HSD17B3: variants seen among roughly 807,000 people sequenced by gnomAD.
HSD17B3 encodes the protein hydroxysteroid 17-beta dehydrogenase 3.
HSD17B3 carries 29 observed loss-of-function variants against 41.1 expected under a neutral mutation model. That is an observed-to-expected ratio of 0.71 (90% CI 0.53 to 0.96). HSD17B3 has a LOEUF of 0.96. Ranked by LOEUF, HSD17B3 falls within the 40% of genes least tolerant of loss-of-function variation. The pLI is 0.00. For missense variants in HSD17B3, 323 were observed against 374.6 expected, an observed-to-expected ratio of 0.86 and a Z score of 1.14; for synonymous variants, 126 against 145.6, an observed-to-expected ratio of 0.87 and a Z score of 0.97.
In HSD17B3 at chr9:96,267,270, T is replaced by C. The variant is rs568219882; in HGVS notation, c.202-12327A>G. 3.2e-3 allele frequency among the ~76,000 whole-genome samples: 485 copies of C among 151,708 alleles called. 3 individuals are homozygous for C. The highest frequency in any genetic ancestry group is 0.011 in the African/African-American group (464 of 41,314). ...CTCCCAGGTTCAAGCAATTCACCTA[T>C]CTCAGCCTCCTGAGTAGCTGGGATT... On this transcript the variant is annotated intron_variant, in intron 2 of 10. Transcript: ENST00000375263.
intron 3 of HSD17B3, 47 bp downstream of exon 3, chr9:96,254,821 G>T (rs538120125): frequency 5.2e-5 from 79 of 1,508,954 alleles, no homozygotes; most frequent in Non-Finnish European, 6.8e-5. Context: ...GAGCAGGCTT[G>T]GTTGGAGGGC....
At chr9:96,272,646 G>T (rs1391738571) in intron 2 of HSD17B3, among the ~76,000 whole-genome samples, 1 of 150,846 alleles carries the variant, frequency 6.6e-6, no homozygotes, top group Non-Finnish European at 1.5e-5. Flanking sequence ...CTGTGGAAAA[G>T]AGTTTGCAGT....
At chr9:96,284,768 A>G (rs1346406352) in intron 2 of HSD17B3, among the ~76,000 whole-genome samples, 1 of 152,202 alleles carries the variant, frequency 6.6e-6, no homozygotes, top group African/African-American at 2.4e-5. Flanking sequence ...TGAGGGTACA[A>G]ACCCATGACA....
intron 10 of HSD17B3, chr9:96,239,580 T>A (rs954682986): frequency 6.6e-6 from 1 of 152,192 alleles, no homozygotes; most frequent in African/African-American, 2.4e-5. Context: ...AGTCTTTAAG[T>A]CCCAGCAGAT....
intron 2 of HSD17B3, among the ~76,000 whole-genome samples, chr9:96,270,869 G>A (rs974980418): frequency 9.6e-5 from 14 of 145,702 alleles, no homozygotes; most frequent in African/African-American, 2.1e-4. Flanking sequence ...AAAAATACAT[G>A]TTTACACATA....
At chr9:96,295,932 C>G (rs766370232) in intron 2 of HSD17B3, among the ~76,000 whole-genome samples, 5 of 151,978 alleles carry the variant, frequency 3.3e-5, no homozygotes, top group Non-Finnish European at 7.4e-5. Context: ...GGGGCCTTCA[C>G]GATGAGATTA....
At chr9:96,282,995 T>TC (rs1554701745) in intron 2 of HSD17B3, among the ~76,000 whole-genome samples, 2 of 84,312 alleles carry the variant, frequency 2.4e-5, no homozygotes, top group South Asian at 4.9e-4. Flanking sequence ...TTTCTTTCTT[T>TC]TTTTTTTTTT....
At chr9:96,279,871 G>A (rs1476184012) in intron 2 of HSD17B3, among the ~76,000 whole-genome samples, 5 of 151,768 alleles carry the variant, frequency 3.3e-5, no homozygotes, top group Admixed American at 6.6e-5. Context: ...CCAGGTTCAC[G>A]CCATTCTCCT....
chr9:96,241,019 G>A, intron 9 of HSD17B3, 112 bp from the exon 10 acceptor site: 3 of 1,300,674 alleles, frequency 2.3e-6, no homozygotes, highest in Admixed American at 1.8e-5. Context: ...CTCTTCCTAG[G>A]CAAAGTTTTA....
chr9:96,255,367 CT>C (rs869145717), intron 2 of HSD17B3, among the ~76,000 whole-genome samples: 2 of 54,564 alleles, frequency 3.7e-5, no homozygotes, highest in East Asian at 7.3e-4. Context: ...CCCAACATTT[CT>C]TTTTTTTTTT....
At chr9:96,244,537 G>T (rs541378164) in intron 8 of HSD17B3, 143 bp from the exon 9 acceptor site, 4 of 770,976 alleles carry the variant, frequency 5.2e-6, no homozygotes, top group Admixed American at 3.9e-5. Flanking sequence ...CGGAGGGTAC[G>T]GAGTTTCAGC....
intron 2 of HSD17B3, among the ~76,000 whole-genome samples, chr9:96,280,057 C>T (rs972108551): frequency 2.6e-5 from 4 of 152,236 alleles, no homozygotes; most frequent in African/African-American, 7.2e-5. Flanking sequence ...GCGTGAGCCA[C>T]TGTGCCCGGC....
chr9:96,295,348 G>T (rs1225274), intron 2 of HSD17B3, among the ~76,000 whole-genome samples: 135,519 of 150,582 alleles, frequency 0.9, 60,895 homozygotes, highest in East Asian at 0.92. Flanking sequence ...TTTTGTTTTT[G>T]TTTCAGACGA....
chr9:96,283,362 T>C (rs1826780240), intron 2 of HSD17B3, among the ~76,000 whole-genome samples: 2 of 152,138 alleles, frequency 1.3e-5, no homozygotes, highest in African/African-American at 4.8e-5. Flanking sequence ...ATTGTAAAGG[T>C]TTATATAAGG....
chr9:96,272,081 T>A (rs1303244840), intron 2 of HSD17B3, among the ~76,000 whole-genome samples: 1 of 151,818 alleles, frequency 6.6e-6, no homozygotes, highest in Admixed American at 6.6e-5. Flanking sequence ...TAAAAATACA[T>A]ATATAGGTCA....
intron 2 of HSD17B3, among the ~76,000 whole-genome samples, chr9:96,259,006 G>T (rs1026434343): frequency 6.6e-5 from 10 of 152,186 alleles, no homozygotes; most frequent in South Asian, 2.1e-4. Flanking sequence ...TTACCGCCAG[G>T]TCTCTAAGAT....
chr9:96,300,607 TTGTGTGTGTG>T (rs10545828), intron 1 of HSD17B3, among the ~76,000 whole-genome samples: 2 of 109,884 alleles, frequency 1.8e-5, no homozygotes, highest in African/African-American at 3.0e-5. Context: ...ATTGGATTCT[TTGTGTGTGTG>T]TGTGTGTGTG....
chr9:96,288,286 A>T (rs1048268354), intron 2 of HSD17B3, among the ~76,000 whole-genome samples: 7 of 152,234 alleles, frequency 4.6e-5, no homozygotes, highest in Non-Finnish European at 1.0e-4. Flanking sequence ...TATATCTCAA[A>T]AAGCTGTTCA....
intron 9 of HSD17B3, among the ~76,000 whole-genome samples, chr9:96,244,041 A>G (rs1237146324): frequency 6.6e-6 from 1 of 152,234 alleles, no homozygotes; most frequent in African/African-American, 2.4e-5. Context: ...ATCAGGTAGC[A>G]AGAAGGTCCA....
Sources: gnomAD v4.1 joint callset for allele counts (sites outside exome capture counted in the v4.1 genomes callset) on GRCh38, gnomAD v4.1.1 for gene constraint, MANE v1.5 for transcripts, NCBI Gene and HGNC (gene_info 2026-07-23, HGNC 2026-07-21) for gene names.